YWHAQ: variants seen among roughly 807,000 people sequenced by gnomAD.
YWHAQ encodes the protein 14-3-3 protein theta.
A neutral mutation model predicts 28.3 loss-of-function variants in YWHAQ; 6 were observed. The observed-to-expected ratio is 0.21, with a 90% CI of 0.12 to 0.42. The LOEUF (loss-of-function observed/expected upper bound fraction) is 0.42, where lower values mean the gene tolerates loss of function less well. Ranked by LOEUF, YWHAQ falls within the 10% of genes least tolerant of loss-of-function variation. The pLI is 1.00. For missense variants in YWHAQ, 201 were observed against 305.6 expected (o/e 0.66, Z 2.55); for synonymous variants, 143 against 119.1 (o/e 1.20, Z -1.31).
At chr2:9,619,911 A>C (rs1459768018) in intron 2 of YWHAQ, among the ~76,000 whole-genome samples, 1 of 152,240 alleles carries the variant, frequency 6.6e-6, no homozygotes, top group Non-Finnish European at 1.5e-5. Context: ...AAGAGCAAAA[A>C]TCCTGTGAGC....
In YWHAQ at chr2:9,630,208, T is replaced by C. The variant is rs752112912; in HGVS notation, c.245A>G (p.Tyr82Cys). Residue 82 changes from tyrosine to cysteine, a missense_variant, in exon 2 of 6, where the codon TAT becomes TGT. This residue lies in a region of YWHAQ where 162 missense variants were observed against 213.9 expected (regional missense o/e 0.76). Coordinates refer to ENST00000238081, the MANE Select transcript of YWHAQ (RefSeq NM_006826.4). The surrounding 1 kb of genome is among the most constrained non-coding windows in gnomAD (Gnocchi z 5.6). ...CAGCTCGGACTCCACTTTCTCCCGA[T>C]AGTCCTTAATCAGCTGCAACTTCTT... Reference protein sequence around the residue: ...SDKKLQLIKDYREKVESELRS... With the variant: ...SDKKLQLIKDCREKVESELRS... The C allele has an allele frequency of 1.2e-6, 2 of 1,614,006 alleles. No homozygotes were observed. The highest frequency in any genetic ancestry group is 1.7e-6 in the Non-Finnish European group (2 of 1,180,036).
intron 2 of YWHAQ, among the ~76,000 whole-genome samples, chr2:9,604,774 C>T (rs1174584734): frequency 2.7e-5 from 4 of 149,920 alleles, no homozygotes; most frequent in Admixed American, 6.6e-5. Context: ...AGATACAGAG[C>T]GATGGTTATA....
At chr2:9,621,856 CA>C (rs1667147974) in intron 2 of YWHAQ, among the ~76,000 whole-genome samples, 1 of 152,064 alleles carries the variant, frequency 6.6e-6, no homozygotes, top group African/African-American at 2.4e-5. Flanking sequence ...ACTATGCAAC[CA>C]TAAAAAGGAT....
intron 4 of YWHAQ, 97 bp from the exon 5 acceptor site, chr2:9,587,606 C>T (rs1666370925): frequency 1.9e-6 from 2 of 1,027,602 alleles, no homozygotes; most frequent in African/African-American, 1.6e-5. Context: ...TGAACACCCA[C>T]CTTATGTTCT....
chr2:9,596,796 C>A (rs540922328), intron 2 of YWHAQ, among the ~76,000 whole-genome samples: 1 of 152,110 alleles, frequency 6.6e-6, no homozygotes, highest in African/African-American at 2.4e-5. Context: ...CTTCGCCTCC[C>A]GGTTCAAGCG....
chr2:9,602,455 T>A (rs776362933), intron 2 of YWHAQ, among the ~76,000 whole-genome samples: 10 of 152,000 alleles, frequency 6.6e-5, no homozygotes, highest in Non-Finnish European at 1.3e-4. Flanking sequence ...AATAACATTT[T>A]ATGCCTCCTT....
chr2:9,617,926 CAAA>C (rs771069949), intron 2 of YWHAQ, among the ~76,000 whole-genome samples: 1 of 123,714 alleles, frequency 8.1e-6, no homozygotes, highest in Non-Finnish European at 1.7e-5. Flanking sequence ...GACCCTCTGC[CAAA>C]AAAAAAAAAA....
chr2:9,616,497 C>A (rs1467595718), intron 2 of YWHAQ, among the ~76,000 whole-genome samples: 2 of 147,882 alleles, frequency 1.4e-5, no homozygotes, highest in African/African-American at 5.0e-5. Context: ...TCAAAGGACA[C>A]TAACAAGACA....
intron 2 of YWHAQ, among the ~76,000 whole-genome samples, chr2:9,629,088 G>A (rs1342576460): frequency 6.6e-6 from 1 of 151,598 alleles, no homozygotes; most frequent in Non-Finnish European, 1.5e-5. Flanking sequence ...GGAGGCCAGG[G>A]AGAAATTATT....
intron 2 of YWHAQ, among the ~76,000 whole-genome samples, chr2:9,608,800 C>A (rs73155540): frequency 1.7e-3 from 266 of 152,212 alleles, no homozygotes; most frequent in African/African-American, 5.5e-3. Context: ...ATTAGCCAGG[C>A]GTGTTGGCGG....
intron 2 of YWHAQ, chr2:9,628,627 T>C (rs1239790133): frequency 6.6e-6 from 1 of 152,260 alleles, no homozygotes; most frequent in Non-Finnish European, 1.5e-5. Context: ...GGAATTCTTA[T>C]GAGTCTTCCC....
chr2:9,617,871 G>A (rs1045243113), intron 2 of YWHAQ, among the ~76,000 whole-genome samples: 1 of 151,600 alleles, frequency 6.6e-6, no homozygotes, highest in Non-Finnish European at 1.5e-5. Context: ...AGGATGCAGT[G>A]AGTCATGACC....
chr2:9,601,447 C>G (rs1252785110), intron 2 of YWHAQ, among the ~76,000 whole-genome samples: 1 of 152,136 alleles, frequency 6.6e-6, no homozygotes, highest in Non-Finnish European at 1.5e-5. Flanking sequence ...GCCTGGACAA[C>G]AAGAGTGAAA....
At chr2:9,621,286 C>G (rs754373883) in intron 2 of YWHAQ, among the ~76,000 whole-genome samples, 1 of 152,088 alleles carries the variant, frequency 6.6e-6, no homozygotes, top group Non-Finnish European at 1.5e-5. Flanking sequence ...CACTCATCAC[C>G]CAAACAAAAA....
At chr2:9,624,862 C>T (rs113428551) in intron 2 of YWHAQ, among the ~76,000 whole-genome samples, 5,874 of 151,878 alleles carry the variant, frequency 0.039, 313 homozygotes, top group African/African-American at 0.12. Flanking sequence ...TTTGCCTCAG[C>T]CTCCCAAGTA....
rs1365202009 is a variant in YWHAQ, at chr2:9,630,426, C to G, written c.27G>C (p.Lys9Asn). 6.2e-7 allele frequency: 1 copy of G among 1,611,854 alleles called. No individual in the cohort carries two copies. Among genetic ancestry groups the G allele is most frequent in the South Asian group, 1.1e-5 (1 of 91,046 alleles). Residue 9 changes from lysine (K) to asparagine (N), a missense_variant, in exon 2 of 6, where the codon AAG becomes AAC. Lys to Asn is a moderately conservative substitution (Grantham distance 94). This residue lies in a region of YWHAQ where 162 missense variants were observed against 213.9 expected (regional missense o/e 0.76). Transcript: ENST00000238081. This position sits in a 1 kb window ranked among gnomAD's most constrained non-coding sequence, Gnocchi z 5.6. MEKTELIQ[K>N]AKLAEQAERY... ...GCTCGGCCTGCTCGGCCAGCTTGGC[C>G]TTCTGGATCAGCTCAGTCTTCTCCA...
chr2:9,610,043 A>T (rs1666914425), intron 2 of YWHAQ, among the ~76,000 whole-genome samples: 1 of 152,204 alleles, frequency 6.6e-6, no homozygotes. Context: ...TTAATTTTGG[A>T]GGACAGTTAC....
intron 2 of YWHAQ, among the ~76,000 whole-genome samples, chr2:9,608,730 C>T (rs1231092041): frequency 6.6e-6 from 1 of 152,200 alleles, no homozygotes; most frequent in East Asian, 1.9e-4. Flanking sequence ...GGGTGGATCA[C>T]TTGAGGTCAG....
chr2:9,629,323 T>C (rs1009744153), intron 2 of YWHAQ, among the ~76,000 whole-genome samples: 1 of 152,200 alleles, frequency 6.6e-6, no homozygotes, highest in African/African-American at 2.4e-5. Flanking sequence ...GTATTTCAGT[T>C]TTAAAAACTT....
Sources: allele counts gnomAD v4.1 joint callset (sites outside exome capture counted in the v4.1 genomes callset), GRCh38; gene constraint gnomAD v4.1.1; regional missense constraint gnomAD v4.1.1; non-coding constraint Gnocchi (gnomAD v3.1); transcripts MANE v1.5; gene names NCBI Gene and HGNC (gene_info 2026-07-23, HGNC 2026-07-21).